GRID2: variants seen among roughly 807,000 people sequenced by gnomAD.
GRID2 encodes the protein glutamate receptor ionotropic, delta-2.
GRID2 carries 33 observed loss-of-function variants against 114.8 expected under a neutral mutation model. That is an observed-to-expected ratio of 0.29 (90% CI 0.22 to 0.38). The LOEUF is 0.38. Among genes scored for constraint, GRID2 ranks in the 10% least tolerant of loss-of-function variants. GRID2 has a pLI of 1.00. For synonymous variants in GRID2, 505 were observed against 449.9 expected (o/e 1.12, Z -1.55); for missense variants, 1,184 against 1,257.7 (o/e 0.94, Z 0.89).
intron 2 of GRID2, among the ~76,000 whole-genome samples, chr4:92,782,308 CTTAT>C (rs547829656): frequency 2.4e-3 from 362 of 152,054 alleles, no homozygotes; most frequent in African/African-American, 8.3e-3. Context: ...TTTGCTAATG[CTTAT>C]TTATTATCTT....
At chr4:93,235,032 A>G (rs1746607095) in intron 7 of GRID2, among the ~76,000 whole-genome samples, 1 of 152,134 alleles carries the variant, frequency 6.6e-6, no homozygotes, top group Non-Finnish European at 1.5e-5. Flanking sequence ...AGAATGACAT[A>G]AAGTCTCAGT....
At chr4:93,443,243 C>T (rs896563373) in intron 10 of GRID2, among the ~76,000 whole-genome samples, 2 of 151,816 alleles carry the variant, frequency 1.3e-5, no homozygotes, top group African/African-American at 4.8e-5. Flanking sequence ...AATAGTTTTC[C>T]TTCAACTCTA....
At chr4:93,394,851 A>G (rs148275852) in intron 8 of GRID2, among the ~76,000 whole-genome samples, 1 of 152,058 alleles carries the variant, frequency 6.6e-6, no homozygotes, top group Admixed American at 6.6e-5. Context: ...TTCTTTCTCC[A>G]TATTTTTGAT....
chr4:92,348,764 C>T (rs1727913631), intron 1 of GRID2, among the ~76,000 whole-genome samples: 1 of 152,078 alleles, frequency 6.6e-6, no homozygotes, highest in Non-Finnish European at 1.5e-5. Flanking sequence ...CATAACGTCT[C>T]CAGGCCCTAA....
At chr4:92,856,068 AT>A (rs1447186959) in intron 2 of GRID2, among the ~76,000 whole-genome samples, 1 of 151,914 alleles carries the variant, frequency 6.6e-6, no homozygotes, top group Non-Finnish European at 1.5e-5. Flanking sequence ...CCAAGCTGGA[AT>A]TTTTTTCCAA....
chr4:93,078,042 T>A (rs1171992391), intron 2 of GRID2, among the ~76,000 whole-genome samples: 2 of 152,162 alleles, frequency 1.3e-5, no homozygotes, highest in African/African-American at 4.8e-5. Context: ...TAGGTCATAT[T>A]TCTTGCCTCT....
intron 2 of GRID2, among the ~76,000 whole-genome samples, chr4:92,622,716 G>A (rs1301189044): frequency 6.6e-6 from 1 of 151,634 alleles, no homozygotes; most frequent in African/African-American, 2.4e-5. Flanking sequence ...TGGTAAAGTG[G>A]AGAGTGCATC....
rs6815669 is a variant in GRID2 at position 92,486,214 on chromosome 4, A to T, written c.89-103917A>T. On this transcript the variant is annotated intron_variant, in intron 1 of 15. Coordinates refer to ENST00000282020, the MANE Select transcript of GRID2 (RefSeq NM_001510.4). ...ATTTTTAACCACTTAAAAACTAAAG[A>T]TAGCTGACCGGTAATCACCTTTATC... 7.8e-3 allele frequency among the ~76,000 whole-genome samples: 1,179 copies of T among 151,756 alleles called. 17 individuals are homozygous for T. Among genetic ancestry groups the T allele is most frequent in the African/African-American group, 0.027 (1,118 of 41,528 alleles).
intron 1 of GRID2, among the ~76,000 whole-genome samples, chr4:92,571,474 T>G (rs560699091): frequency 2.6e-5 from 4 of 151,994 alleles, no homozygotes; most frequent in African/African-American, 9.6e-5. Context: ...GACAGATCAA[T>G]GAGACAGAAA....
chr4:93,398,877 C>T, intron 9 of GRID2, among the ~76,000 whole-genome samples: 1 of 150,988 alleles, frequency 6.6e-6, no homozygotes, highest in South Asian at 2.1e-4. Flanking sequence ...TTGCATGCTT[C>T]CTATGTCTTT....
At chr4:92,913,250 G>T (rs1343094325) in intron 2 of GRID2, among the ~76,000 whole-genome samples, 1 of 151,756 alleles carries the variant, frequency 6.6e-6, no homozygotes, top group Non-Finnish European at 1.5e-5. Context: ...CCTCACCTTG[G>T]TTCTGTGAAA....
At position 92,601,367 on chromosome 4, in the gene GRID2, G is replaced by C. The variant is rs145628790; in HGVS notation, c.244+11081G>C. Among the ~76,000 whole-genome samples the C allele has an allele frequency of 6.2e-3, 948 of 152,208 alleles. 8 individuals are homozygous for C. Among genetic ancestry groups the C allele is most frequent in the African/African-American group, 0.02 (821 of 41,540 alleles). On this transcript the variant is annotated intron_variant, in intron 2 of 15. Transcript: ENST00000282020. Reference sequence around the variant, plus strand: ...ACAGTGAACTCATATTCAAACTCAAGATTAAGAAATTCACTCAAAACCATA... The same window carrying C: ...ACAGTGAACTCATATTCAAACTCAACATTAAGAAATTCACTCAAAACCATA...
In GRID2 at chr4:93,238,416, G is replaced by A. The variant is rs763603362; in HGVS notation, c.1171G>A (p.Gly391Arg). Residue 391 changes from glycine to arginine, a missense_variant, in exon 8 of 16, where the codon GGA becomes AGA. This residue lies in a region of GRID2 where 717 missense variants were observed against 796.9 expected (regional missense o/e 0.90). Coordinates refer to ENST00000282020, the MANE Select transcript of GRID2 (RefSeq NM_001510.4). The stretch of plus-strand genomic sequence containing the variant: ...TGGAGAGCTAGAATTTGGAGAAAAT[G>A]GAGGCAATCCCAATGTCCACTTTGA... ...LTGELEFGEN[G>R]GNPNVHFEIL... The A allele has an allele frequency of 3.4e-5, 54 of 1,606,932 alleles. No homozygotes were observed. The Middle Eastern group carries it at 1.5e-3, about 44-fold the overall frequency.
intron 4 of GRID2, among the ~76,000 whole-genome samples, chr4:93,145,435 A>T (rs565751952): frequency 1.3e-5 from 2 of 149,468 alleles, no homozygotes; most frequent in African/African-American, 4.9e-5. Context: ...ATTATTTTTT[A>T]TTTATTTATT....
At chr4:92,640,886 CATTTT>C (rs1731308884) in intron 2 of GRID2, among the ~76,000 whole-genome samples, 1 of 151,648 alleles carries the variant, frequency 6.6e-6, no homozygotes, top group Admixed American at 6.6e-5. Context: ...TTACATGATA[CATTTT>C]ATTTGTGAAT....
chr4:93,262,903 T>A (rs188003761), intron 8 of GRID2, among the ~76,000 whole-genome samples: 1 of 151,444 alleles, frequency 6.6e-6, no homozygotes, highest in Non-Finnish European at 1.5e-5. Context: ...TACTATTAAA[T>A]TTTTTTTTCC....
chr4:92,622,488 A>C (rs575305545), intron 2 of GRID2, among the ~76,000 whole-genome samples: 20 of 151,848 alleles, frequency 1.3e-4, no homozygotes, highest in African/African-American at 4.1e-4. Flanking sequence ...CAAGAGAGTA[A>C]TAAGAATGAG....
At chr4:93,045,960 T>A (rs1726098724) in intron 2 of GRID2, among the ~76,000 whole-genome samples, 1 of 152,096 alleles carries the variant, frequency 6.6e-6, no homozygotes, top group Non-Finnish European at 1.5e-5. Context: ...AATAATTGAG[T>A]TGAGTGGGAT....
chr4:93,481,915 G>A (rs1245984751), intron 11 of GRID2, among the ~76,000 whole-genome samples: 2 of 151,970 alleles, frequency 1.3e-5, no homozygotes, highest in Non-Finnish European at 1.5e-5. Flanking sequence ...ATTGAAGATG[G>A]CATAGGAGAT....
Sources: gnomAD v4.1 joint callset for allele counts (sites outside exome capture counted in the v4.1 genomes callset) on GRCh38, gnomAD v4.1.1 for gene constraint, gnomAD v4.1.1 regional missense constraint, MANE v1.5 for transcripts, NCBI Gene and HGNC (gene_info 2026-07-23, HGNC 2026-07-21) for gene names.